Variants in PCDHGA7 observed in about 807,000 individuals in gnomAD.
PCDHGA7 encodes the protein protocadherin gamma-A7.
PCDHGA7 carries 44 observed loss-of-function variants against 58.3 expected under a neutral mutation model. The observed-to-expected ratio is 0.75, with a 90% CI of 0.59 to 0.97. The LOEUF is 0.97. Ranked by LOEUF, PCDHGA7 falls within the 50% of genes least tolerant of loss-of-function variation. The pLI is 0.00. For synonymous variants in PCDHGA7, 516 were observed against 504.2 expected (o/e 1.02, Z -0.31); for missense variants, 1,266 against 1,188.7 (o/e 1.06, Z -0.96).
At chr5:141,409,047 G>T in intron 1 of PCDHGA7, 2 of 1,613,982 alleles carry the variant, frequency 1.2e-6, no homozygotes, top group Admixed American at 1.7e-5. Flanking sequence ...TACTACTTCC[G>T]AAGCACTGCC....
Position 141,389,968 on chromosome 5 carries a change from C to A in PCDHGA7, c.2424+4645C>A, listed in dbSNP as rs898974383. ...CAGTTTTACCTAGTGGTGGCCTTGG[C>A]CTTGATCTCAGTGCTCTTCCTCGTG... is the stretch of plus-strand genomic sequence containing the variant. On this transcript the variant is annotated intron_variant, in intron 1 of 3. Coordinates refer to ENST00000518325, the MANE Select transcript of PCDHGA7 (RefSeq NM_018920.4). 3 of 1,613,908 alleles carry A rather than the reference C, an allele frequency of 1.9e-6. No homozygotes were observed. The highest frequency in any genetic ancestry group is 2.5e-6 in the Non-Finnish European group (3 of 1,179,892).
chr5:141,446,482 CTT>C (rs112180482), intron 1 of PCDHGA7, among the ~76,000 whole-genome samples: 6 of 147,048 alleles, frequency 4.1e-5, no homozygotes, highest in East Asian at 4.0e-4. Context: ...GGTCATCATT[CTT>C]TTTTTTTTTT....
rs1449911634 is a variant in PCDHGA7 at position 141,384,593 on chromosome 5, C to T, written c.1694C>T (p.Pro565Leu). Residue 565 changes from proline (P) to leucine (L), a missense_variant, in exon 1 of 4, where the codon CCG becomes CTG. Physicochemically the swap from Pro to Leu is moderately conservative, Grantham distance 98. Transcript: ENST00000518325. ...GACAACCCGCCCGAGATCCTGTACC[C>T]GGCCCTCCCCACAGATGGTTCTACT... ...QNDNPPEILY[P>L]ALPTDGSTGM... 3 of 1,614,252 alleles carry T rather than the reference C, an allele frequency of 1.9e-6. No individual in the cohort carries two copies. The highest frequency in any genetic ancestry group is 4.5e-5 in the East Asian group (2 of 44,888).
In PCDHGA7 at chr5:141,431,771, C is replaced by G. The variant is rs1175712662; in HGVS notation, c.2424+46448C>G. 1.2e-6 allele frequency: 2 copies of G among 1,614,214 alleles called. No homozygotes were observed. Among genetic ancestry groups the G allele is most frequent in the Non-Finnish European group, 8.5e-7 (1 of 1,180,034 alleles). The stretch of plus-strand genomic sequence containing the variant: ...GCGAGCCAAAGTCCTGATCACTGTT[C>G]TGGACGTGAACGACAATGCCCCAGA... On this transcript the variant is annotated intron_variant, in intron 1 of 3. Coordinates refer to ENST00000518325, the MANE Select transcript of PCDHGA7 (RefSeq NM_018920.4). The surrounding 1 kb of genome is among the most constrained non-coding windows in gnomAD (Gnocchi z 4.8).
At chr5:141,392,722 A>G in intron 1 of PCDHGA7, 1 of 1,389,524 alleles carries the variant, frequency 7.2e-7, no homozygotes, top group African/African-American at 1.5e-5. Context: ...AGGTTTCCGG[A>G]GGATTGTCAT....
intron 1 of PCDHGA7, chr5:141,399,019 A>G (rs576771907): frequency 2.5e-6 from 4 of 1,613,932 alleles, no homozygotes; most frequent in East Asian, 2.2e-5. Context: ...CGGAGAAATT[A>G]CCACTCAAAA....
chr5:141,422,922 C>T (rs1244444241), intron 1 of PCDHGA7: 1 of 1,614,130 alleles, frequency 6.2e-7, no homozygotes, highest in Non-Finnish European at 8.5e-7. Flanking sequence ...AGATCCTGTA[C>T]CCTGCCCTCC....
chr5:141,419,701 C>T (rs1268060859), intron 1 of PCDHGA7: 7 of 1,612,860 alleles, frequency 4.3e-6, no homozygotes, highest in Non-Finnish European at 5.9e-6. Flanking sequence ...CCAGTGAGCC[C>T]GGGCTCTTCA....
rs1224943883 is a variant in PCDHGA7 at position 141,493,516 on chromosome 5, G to A, written c.2425-1291G>A. Among the ~76,000 whole-genome samples, 1 of 152,122 alleles carries A rather than the reference G, an allele frequency of 6.6e-6. No individual in the cohort carries two copies. The highest frequency in any genetic ancestry group is 1.5e-5 in the Non-Finnish European group (1 of 68,036). On this transcript the variant is annotated intron_variant, in intron 1 of 3. Coordinates refer to ENST00000518325, the MANE Select transcript of PCDHGA7 (RefSeq NM_018920.4). The surrounding 1 kb of genome is among the most constrained non-coding windows in gnomAD (Gnocchi z 4.3). ...GGCTCCTCATTTCTGAGCAGTCCCC[G>A]CAGCGCAAACTTGGCCAGTTATCCT...
At chr5:141,463,610 G>A (rs189991450) in intron 1 of PCDHGA7, among the ~76,000 whole-genome samples, 2 of 151,672 alleles carry the variant, frequency 1.3e-5, no homozygotes, top group Admixed American at 6.6e-5. Flanking sequence ...CACCATGCCC[G>A]GCTAATTTTT....
intron 1 of PCDHGA7, chr5:141,415,929 T>C: frequency 1.6e-6 from 1 of 629,678 alleles, no homozygotes; most frequent in African/African-American, 1.9e-5. Context: ...TGTCAATTTA[T>C]ATTTCCTCCT....
intron 1 of PCDHGA7, chr5:141,427,690 T>TC (rs1331581287): frequency 2.3e-6 from 2 of 881,240 alleles, no homozygotes; most frequent in Non-Finnish European, 3.7e-6. Context: ...GGAGCCTCCA[T>TC]CCCACAAGTC....
At chr5:141,403,081 T>C (rs772246285) in intron 1 of PCDHGA7, 1 of 1,614,048 alleles carries the variant, frequency 6.2e-7, no homozygotes, top group East Asian at 2.2e-5. Flanking sequence ...AAAAGGGCTA[T>C]ATTGTGGGCA....
chr5:141,497,495 T>C (rs193075970), intron 2 of PCDHGA7, among the ~76,000 whole-genome samples: 28 of 151,186 alleles, frequency 1.9e-4, no homozygotes, highest in Admixed American at 1.7e-3. Context: ...TCTCTCTCTC[T>C]CCTCTCTCTG....
intron 1 of PCDHGA7, chr5:141,400,460 G>GTGAT (rs760132234): frequency 6.2e-7 from 1 of 1,613,938 alleles, no homozygotes. Context: ...ATACTTTGTG[G>GTGAT]TGATTCATCT....
intron 1 of PCDHGA7, among the ~76,000 whole-genome samples, chr5:141,442,633 C>A (rs1210890820): frequency 6.6e-6 from 1 of 152,158 alleles, no homozygotes; most frequent in Admixed American, 6.5e-5. Flanking sequence ...AGCAGCAAGA[C>A]CAAAGGCCTA....
chr5:141,508,599 G>T lies in PCDHGA7; in HGVS notation c.2573-2348G>T, dbSNP rs948748985. On this transcript the variant is annotated intron_variant, in intron 3 of 3. Coordinates refer to ENST00000518325, the MANE Select transcript of PCDHGA7 (RefSeq NM_018920.4). ...CTCGGGGTGCTACTCAGAGATCTTGGGTGCACATAGGACGTGGGTGGGCCG... is the reference window on the plus strand; with the variant it reads ...CTCGGGGTGCTACTCAGAGATCTTGTGTGCACATAGGACGTGGGTGGGCCG... Among the ~76,000 whole-genome samples the T allele has an allele frequency of 3.9e-5, 6 of 152,212 alleles. No individual in the cohort carries two copies. The South Asian group carries it at 1.2e-3, about 32-fold the overall frequency.
chr5:141,510,426 T>C (rs983368750), intron 3 of PCDHGA7, among the ~76,000 whole-genome samples: 1 of 152,084 alleles, frequency 6.6e-6, no homozygotes, highest in African/African-American at 2.4e-5. Flanking sequence ...CATGGTTTCA[T>C]GGCTGCTGCC....
chr5:141,402,770 G>A (rs1381501918), intron 1 of PCDHGA7, among the ~76,000 whole-genome samples: 1 of 152,154 alleles, frequency 6.6e-6, no homozygotes, highest in Non-Finnish European at 1.5e-5. Context: ...GACTCCATCC[G>A]GATTTCCAGT....
Sources: gnomAD v4.1 joint callset for allele counts (sites outside exome capture counted in the v4.1 genomes callset) on GRCh38, gnomAD v4.1.1 for gene constraint, Gnocchi (gnomAD v3.1) non-coding constraint, MANE v1.5 for transcripts, NCBI Gene and HGNC (gene_info 2026-07-23, HGNC 2026-07-21) for gene names.